Variants in WWOX observed in about 807,000 individuals in gnomAD.
The protein encoded by WWOX is WW domain-containing oxidoreductase.
Under a neutral mutation model 46.2 loss-of-function variants are expected in WWOX, and 69 were observed. That is an observed-to-expected ratio of 1.49 (90% CI 1.23 to 1.82). The LOEUF is 1.82. Ranked by LOEUF, WWOX falls within the 40% of genes most tolerant of loss-of-function variation. WWOX has a pLI of 0.00. For synonymous variants in WWOX, 359 were observed against 202.6 expected (o/e 1.77, Z -6.56); for missense variants, 919 against 542.6 (o/e 1.69, Z -6.89).
chr16:78,309,343 C>G (rs778939717), intron 5 of WWOX, among the ~76,000 whole-genome samples: 3 of 152,172 alleles, frequency 2.0e-5, no homozygotes, highest in African/African-American at 4.8e-5. Flanking sequence ...TTATAAGTTT[C>G]TTGAGGCCTC....
In WWOX at chr16:79,211,881, T is replaced by C. The variant is rs746177810; in HGVS notation, c.*85T>C. ...GCCAGGGCTGGGCCCCTTCCAAATG[T>C]CCCTCCAACACAGATCCGCAAGAGT... On this transcript the variant is annotated 3_prime_UTR_variant, in exon 9 of 9. Coordinates refer to ENST00000566780, the MANE Select transcript of WWOX (RefSeq NM_016373.4). The C allele has an allele frequency of 8.2e-6, 13 of 1,585,090 alleles. No individual in the cohort carries two copies. In the South Asian group the frequency reaches 1.5e-4, roughly 18 times the overall value.
chr16:78,113,260 C>G (rs1288521058), intron 3 of WWOX, among the ~76,000 whole-genome samples: 1 of 152,142 alleles, frequency 6.6e-6, no homozygotes, highest in Non-Finnish European at 1.5e-5. Context: ...TAATAGTCAT[C>G]CAGGGGATCC....
chr16:78,431,931 G>C (rs1416080361), intron 7 of WWOX, among the ~76,000 whole-genome samples: 1 of 152,012 alleles, frequency 6.6e-6, no homozygotes, highest in Non-Finnish European at 1.5e-5. Context: ...GCCTAAGCTG[G>C]TCTTGAACTC....
intron 8 of WWOX, among the ~76,000 whole-genome samples, chr16:78,909,070 C>T (rs771536322): frequency 2.6e-5 from 4 of 152,184 alleles, no homozygotes; most frequent in South Asian, 2.1e-4. Context: ...AACTAAGTTC[C>T]TCTCAAAGTT....
intron 8 of WWOX, among the ~76,000 whole-genome samples, chr16:78,609,842 G>C (rs1357674861): frequency 1.3e-5 from 2 of 152,202 alleles, no homozygotes; most frequent in Non-Finnish European, 1.5e-5. Flanking sequence ...AAAAATGTGC[G>C]TGTTTTTAGT....
intron 8 of WWOX, among the ~76,000 whole-genome samples, chr16:79,136,879 A>C (rs2049991494): frequency 6.6e-6 from 1 of 152,212 alleles, no homozygotes; most frequent in Admixed American, 6.5e-5. Flanking sequence ...TGCAATATGA[A>C]ATTATGTGTA....
At chr16:78,235,082 A>G (rs1001393133) in intron 5 of WWOX, among the ~76,000 whole-genome samples, 13 of 152,138 alleles carry the variant, frequency 8.5e-5, no homozygotes, top group African/African-American at 2.4e-4. Flanking sequence ...ACACACACGT[A>G]ATGATGTTCG....
chr16:78,372,778 C>A (rs1433577967), intron 5 of WWOX, among the ~76,000 whole-genome samples: 2 of 152,164 alleles, frequency 1.3e-5, no homozygotes, highest in Non-Finnish European at 2.9e-5. Context: ...CCCATTAATT[C>A]ATGAGTAGTG....
At chr16:78,901,378 T>C (rs2044827269) in intron 8 of WWOX, among the ~76,000 whole-genome samples, 1 of 152,226 alleles carries the variant, frequency 6.6e-6, no homozygotes, top group Non-Finnish European at 1.5e-5. Context: ...GGATGGAATT[T>C]TGGCTTTAAT....
intron 8 of WWOX, among the ~76,000 whole-genome samples, chr16:78,778,564 G>A (rs964046090): frequency 6.6e-6 from 1 of 152,146 alleles, no homozygotes; most frequent in Non-Finnish European, 1.5e-5. Context: ...TCAGAAGAGC[G>A]ACGCAATAGA....
intron 5 of WWOX, among the ~76,000 whole-genome samples, chr16:78,257,655 A>G (rs2038168495): frequency 6.6e-6 from 1 of 151,804 alleles, no homozygotes; most frequent in African/African-American, 2.4e-5. Flanking sequence ...GGTTTTTTCC[A>G]TCTCCATTCC....
At chr16:78,770,872 G>A (rs953652057) in intron 8 of WWOX, among the ~76,000 whole-genome samples, 3 of 152,272 alleles carry the variant, frequency 2.0e-5, no homozygotes, top group Non-Finnish European at 2.9e-5. Context: ...GGTTGGCACC[G>A]ATGCTAATCA....
intron 5 of WWOX, among the ~76,000 whole-genome samples, chr16:78,179,358 G>A (rs914344778): frequency 2.6e-5 from 4 of 152,172 alleles, no homozygotes; most frequent in African/African-American, 9.7e-5. Flanking sequence ...TTGTGGTTGT[G>A]AAAAGGTAAC....
intron 5 of WWOX, among the ~76,000 whole-genome samples, chr16:78,310,554 G>C (rs1247188078): frequency 6.6e-6 from 1 of 152,166 alleles, no homozygotes; most frequent in Non-Finnish European, 1.5e-5. Flanking sequence ...AGACTTAGTG[G>C]TCACCAGAAT....
At chr16:78,825,923 G>A (rs2151150489) in intron 8 of WWOX, 2 of 746,588 alleles carry the variant, frequency 2.7e-6, no homozygotes, top group South Asian at 1.8e-5. Context: ...CAAAGATGAG[G>A]TAGTGCCCAC....
chr16:78,111,622 T>C lies in WWOX; in HGVS notation c.230+1787T>C, dbSNP rs1046757824. On this transcript the variant is annotated intron_variant, in intron 3 of 8. Coordinates refer to ENST00000566780, the MANE Select transcript of WWOX (RefSeq NM_016373.4). ...AACACTCTGCTCCACCAGCTTCTTG[T>C]GGAAGGCTGGGTATTATCCAGGCCT... 7.2e-5 allele frequency among the ~76,000 whole-genome samples: 11 copies of C among 152,284 alleles called. No homozygotes were observed. In the East Asian group the frequency reaches 2.1e-3, roughly 30 times the overall value.
chr16:78,424,756 G>T (rs1439368024), intron 6 of WWOX, 114 bp from the exon 7 acceptor site: 17 of 1,191,354 alleles, frequency 1.4e-5, no homozygotes, highest in Admixed American at 3.4e-5. Flanking sequence ...AAGGAGCATG[G>T]ATTATCCTTG....
At chr16:78,455,614 G>T (rs372622687) in intron 8 of WWOX, among the ~76,000 whole-genome samples, 19 of 100,096 alleles carry the variant, frequency 1.9e-4, no homozygotes, top group African/African-American at 1.2e-3. Context: ...CTGCACTCCA[G>T]CCTGGGTTAA....
chr16:78,917,414 C>G (rs577462420), intron 8 of WWOX, among the ~76,000 whole-genome samples: 1 of 152,074 alleles, frequency 6.6e-6, no homozygotes, highest in Non-Finnish European at 1.5e-5. Flanking sequence ...AGCCACTGAC[C>G]TGCATTCGTG....
Sources: gnomAD v4.1 joint callset for allele counts (sites outside exome capture counted in the v4.1 genomes callset) on GRCh38, gnomAD v4.1.1 for gene constraint, MANE v1.5 for transcripts, NCBI Gene and HGNC (gene_info 2026-07-23, HGNC 2026-07-21) for gene names.